The following CPQ variants were observed in gnomAD, a reference collection of about 807,000 sequenced individuals.
CPQ encodes the protein carboxypeptidase Q.
Under a neutral mutation model 45.7 loss-of-function variants are expected in CPQ, and 37 were observed. The observed-to-expected ratio is 0.81, with a 90% CI of 0.62 to 1.07. CPQ has a LOEUF of 1.07. Among genes scored for constraint, CPQ ranks in the 50% least tolerant of loss-of-function variants. CPQ has a pLI of 0.00. For synonymous variants in CPQ, 186 were observed against 205.8 expected (o/e 0.90, Z 0.82); for missense variants, 537 against 572.9 (o/e 0.94, Z 0.64).
chr8:96,678,992 C>T (rs1381423362), intron 1 of CPQ, among the ~76,000 whole-genome samples: 1 of 151,916 alleles, frequency 6.6e-6, no homozygotes, highest in Non-Finnish European at 1.5e-5. Context: ...ATCTAATGTC[C>T]TGAATTGCTT....
chr8:96,717,027 ATAT>A (rs1809685296), intron 1 of CPQ, among the ~76,000 whole-genome samples: 1 of 3,842 alleles, frequency 2.6e-4, no homozygotes, highest in Non-Finnish European at 7.0e-4. Context: ...TGATATAAAT[ATAT>A]ATATATATAT....
intron 6 of CPQ, among the ~76,000 whole-genome samples, chr8:97,044,517 T>C (rs1172217067): frequency 1.3e-5 from 2 of 152,358 alleles, no homozygotes; most frequent in Admixed American, 6.5e-5. Context: ...CTTTGTTCCG[T>C]TGCTGGTGAG....
At chr8:96,723,965 T>C (rs866558667) in intron 1 of CPQ, among the ~76,000 whole-genome samples, 6 of 152,208 alleles carry the variant, frequency 3.9e-5, no homozygotes, top group African/African-American at 1.4e-4. Flanking sequence ...AATATATAAG[T>C]ACCCAAGAAC....
intron 1 of CPQ, among the ~76,000 whole-genome samples, chr8:96,666,833 C>A (rs1808931605): frequency 6.6e-6 from 1 of 152,160 alleles, no homozygotes; most frequent in African/African-American, 2.4e-5. Context: ...GTGTTAAAAA[C>A]CAAACTGGAG....
chr8:96,696,293 G>C (rs1351140997), intron 1 of CPQ, among the ~76,000 whole-genome samples: 1 of 151,858 alleles, frequency 6.6e-6, no homozygotes, highest in Non-Finnish European at 1.5e-5. Context: ...GACTGTTGTG[G>C]GGTGGGGGGA....
At chr8:97,021,717 G>A (rs991177880) in intron 5 of CPQ, among the ~76,000 whole-genome samples, 1 of 152,122 alleles carries the variant, frequency 6.6e-6, no homozygotes, top group Non-Finnish European at 1.5e-5. Context: ...CATAGACAAC[G>A]CAAACAAATG....
rs184324030 is a variant in CPQ, at chr8:96,756,739, T to C, written c.-34-28125T>C. Reference sequence around the variant, plus strand: ...TCTTGAGAAAAGAAACACATATCTTTTTACCATATTGCCAATATCTTGCAA... The same window carrying C: ...TCTTGAGAAAAGAAACACATATCTTCTTACCATATTGCCAATATCTTGCAA... On this transcript the variant is annotated intron_variant, in intron 1 of 7. Transcript: ENST00000220763. Among the ~76,000 whole-genome samples the C allele has an allele frequency of 1.4e-3, 216 of 152,318 alleles. 4 individuals carry two copies. The highest frequency in any genetic ancestry group is 0.011 in the Admixed American group (167 of 15,288).
chr8:96,721,286 G>C (rs1424477367), intron 1 of CPQ, among the ~76,000 whole-genome samples: 1 of 151,894 alleles, frequency 6.6e-6, no homozygotes, highest in Admixed American at 6.6e-5. Context: ...CTGTGGTTGG[G>C]AGTTGTCCTG....
chr8:96,807,524 C>T (rs866234001), intron 2 of CPQ, among the ~76,000 whole-genome samples: 15 of 152,248 alleles, frequency 9.9e-5, no homozygotes, highest in East Asian at 5.8e-4. Flanking sequence ...TGAGCCACCG[C>T]GCCCGGCTGA....
intron 1 of CPQ, among the ~76,000 whole-genome samples, chr8:96,768,188 G>A (rs1309750709): frequency 6.6e-6 from 1 of 152,004 alleles, no homozygotes; most frequent in Non-Finnish European, 1.5e-5. Flanking sequence ...TCCTGGCTGT[G>A]CCCTGATGTA....
chr8:96,866,371 G>A (rs952030316), intron 3 of CPQ, among the ~76,000 whole-genome samples: 2 of 152,002 alleles, frequency 1.3e-5, no homozygotes, highest in South Asian at 2.1e-4. Flanking sequence ...ATTATACCGG[G>A]TAGTTTAGGG....
intron 2 of CPQ, among the ~76,000 whole-genome samples, chr8:96,827,757 G>A (rs1811398040): frequency 6.6e-6 from 1 of 152,008 alleles, no homozygotes; most frequent in East Asian, 1.9e-4. Flanking sequence ...GCTTATTCAG[G>A]ATCAAAAGGC....
At chr8:97,015,552 A>C (rs1809564722) in intron 5 of CPQ, among the ~76,000 whole-genome samples, 2 of 152,188 alleles carry the variant, frequency 1.3e-5, no homozygotes, top group Admixed American at 1.3e-4. Context: ...TATAGTGTAG[A>C]AAAATAGATA....
At chr8:97,045,213 C>G (rs547593875) in intron 6 of CPQ, among the ~76,000 whole-genome samples, 6 of 152,168 alleles carry the variant, frequency 3.9e-5, no homozygotes, top group East Asian at 1.9e-4. Context: ...CCCCCAGCCT[C>G]GCTGCCGCCT....
At chr8:96,659,002 A>G (rs185815243) in intron 1 of CPQ, among the ~76,000 whole-genome samples, 1 of 152,370 alleles carries the variant, frequency 6.6e-6, no homozygotes, top group East Asian at 1.9e-4. Context: ...TACAGCAGAA[A>G]TAGGAAATAA....
intron 6 of CPQ, among the ~76,000 whole-genome samples, chr8:97,040,580 A>G (rs1810100807): frequency 6.6e-6 from 1 of 152,190 alleles, no homozygotes; most frequent in African/African-American, 2.4e-5. Context: ...CTGAATGGTA[A>G]TGCCTAGGTT....
chr8:97,114,257 G>A (rs1189794234), intron 7 of CPQ, among the ~76,000 whole-genome samples: 1 of 152,210 alleles, frequency 6.6e-6, no homozygotes, highest in African/African-American at 2.4e-5. Context: ...GATCCATAGT[G>A]CAGGTTTCCT....
At chr8:96,735,878 A>T (rs971818093) in intron 1 of CPQ, among the ~76,000 whole-genome samples, 1 of 152,138 alleles carries the variant, frequency 6.6e-6, no homozygotes, top group Non-Finnish European at 1.5e-5. Flanking sequence ...ATGATTTAGT[A>T]TACTGCCTTC....
In CPQ at chr8:96,902,892, C is replaced by G. The variant is rs550472679; in HGVS notation, c.849+22887C>G. Among the ~76,000 whole-genome samples the G allele has an allele frequency of 2.0e-5, 3 of 152,298 alleles. No individual in the cohort carries two copies. The South Asian group carries it at 6.2e-4, about 32-fold the overall frequency. On this transcript the variant is annotated intron_variant, in intron 4 of 7. Transcript: ENST00000220763. ...ATTCCCTCATCTTGCACTGTCCAAT[C>G]GACTTCTCTGAGGCATGAGTTTTTC...
Sources: gnomAD v4.1 joint callset for allele counts (sites outside exome capture counted in the v4.1 genomes callset) on GRCh38, gnomAD v4.1.1 for gene constraint, MANE v1.5 for transcripts, NCBI Gene and HGNC (gene_info 2026-07-23, HGNC 2026-07-21) for gene names.